Variants in TTF2 observed in about 807,000 individuals in gnomAD.
The protein encoded by TTF2 is RNA polymerase II termination factor.
In TTF2, 108 loss-of-function variants were observed where a neutral mutation model predicts 142.4. The ratio of observed to expected loss-of-function variants is 0.76; its 90% CI spans 0.65 to 0.89. TTF2 has a LOEUF of 0.89. TTF2 is among the 40% of genes least tolerant of loss of function. The pLI, the probability that TTF2 is intolerant of heterozygous loss-of-function variation, is 0.00. For synonymous variants in TTF2, 483 were observed against 506.2 expected (o/e 0.95, Z 0.61); for missense variants, 1,327 against 1,379.8 (o/e 0.96, Z 0.61).
intron 3 of TTF2, among the ~76,000 whole-genome samples, chr1:117,072,680 C>T (rs571662119): frequency 2.6e-5 from 4 of 152,246 alleles, no homozygotes; most frequent in East Asian, 1.9e-4. Context: ...ACCTCAGCCT[C>T]CCGAAGTGCT....
In TTF2 at chr1:117,075,919, T is replaced by C. The variant is rs192994215; in HGVS notation, c.1275+60T>C. 21 of 1,534,206 alleles carry C rather than the reference T, an allele frequency of 1.4e-5. No individual in the cohort carries two copies. In the Admixed American group the frequency reaches 2.5e-4, roughly 18 times the overall value. On this transcript the variant is annotated intron_variant, in intron 5 of 22. Transcript: ENST00000369466. The surrounding 1 kb of genome is among the most constrained non-coding windows in gnomAD (Gnocchi z 4.5). ...GAGCATTGCTTGTTATGGGCAGATA[T>C]GAGATCTCATTGCTACAGAAGGGTT...
Position 117,078,005 on chromosome 1 carries a change from G to A in TTF2, c.1663G>A (p.Gly555Ser). 1.2e-6 allele frequency: 2 copies of A among 1,614,158 alleles called. No individual in the cohort carries two copies. Among genetic ancestry groups the A allele is most frequent in the Non-Finnish European group, 1.7e-6 (2 of 1,180,022 alleles). The change falls in exon 8 of 23, where the codon GGT becomes AGT. Residue 555 changes from glycine (G) to serine (S), a missense_variant. Physicochemically the swap from Gly to Ser is moderately conservative, Grantham distance 56 (BLOSUM62 0). Transcript: ENST00000369466. ...QLHRSLESCP[G>S]ETVVAEDPAG... ...GCATCGCTCACTTGAGTCATGTCCT[G>A]GTGAGACGGTTGTGGCAGAAGATCC...
chr1:117,094,270 C>G (rs1175391187), intron 18 of TTF2, among the ~76,000 whole-genome samples: 1 of 152,096 alleles, frequency 6.6e-6, no homozygotes, highest in Non-Finnish European at 1.5e-5. Flanking sequence ...ATCTGAGTCC[C>G]AAAGTGGTCC....
chr1:117,086,274 T>TGC lies in TTF2; in HGVS notation c.2055-142_2055-141insCG. 1 of 575,732 alleles carries TGC rather than the reference T, an allele frequency of 1.7e-6. No homozygotes were observed. The highest frequency in any genetic ancestry group is 3.2e-6 in the Non-Finnish European group (1 of 316,274). 35.7% of individuals were successfully genotyped at this position (575,732 alleles called of 1,614,324 possible). A position where few individuals can be genotyped will look rare whatever the true frequency, so the allele number is the denominator to read the frequency against. ...GTGTGTGTGTGTGTGTGTGTGTGCG[T>TGC]GTGTGTGTTAAGGACACAAGTTAAT... On this transcript the variant is annotated intron_variant, in intron 11 of 22. Coordinates refer to ENST00000369466, the MANE Select transcript of TTF2 (RefSeq NM_003594.4). The surrounding 1 kb of genome is among the most constrained non-coding windows in gnomAD (Gnocchi z 4.2).
At position 117,092,640 on chromosome 1, in the gene TTF2, G is replaced by A. The variant is rs1648690104; in HGVS notation, c.2806-91G>A. Reference sequence around the variant, plus strand: ...GACAAATTACAAGATATTTTGCTCTGTGAAGTGGTAAACAATCAAAACATC... The same window carrying A: ...GACAAATTACAAGATATTTTGCTCTATGAAGTGGTAAACAATCAAAACATC... On this transcript the variant is annotated intron_variant, in intron 17 of 22. Transcript: ENST00000369466. This position sits in a 1 kb window ranked among gnomAD's most constrained non-coding sequence, Gnocchi z 4.4. 2.1e-6 allele frequency: 3 copies of A among 1,423,128 alleles called. No homozygotes were observed. The highest frequency in any genetic ancestry group is 4.3e-5 in the Admixed American group (2 of 46,546). 88.2% of individuals were successfully genotyped at this position (1,423,128 alleles called of 1,614,324 possible).
Position 117,075,909 on chromosome 1 carries a change from T to C in TTF2, c.1275+50T>C, listed in dbSNP as rs1248669121. 6.5e-7 allele frequency: 1 copy of C among 1,544,464 alleles called. No individual in the cohort carries two copies. Among genetic ancestry groups the C allele is most frequent in the Non-Finnish European group, 8.7e-7 (1 of 1,152,440 alleles). On this transcript the variant is annotated intron_variant, in intron 5 of 22. Coordinates refer to ENST00000369466, the MANE Select transcript of TTF2 (RefSeq NM_003594.4). The surrounding 1 kb of genome is among the most constrained non-coding windows in gnomAD (Gnocchi z 4.5). Reference sequence around the variant, plus strand: ...TCTGAGGTCAGAGCATTGCTTGTTATGGGCAGATATGAGATCTCATTGCTA... The same window carrying C: ...TCTGAGGTCAGAGCATTGCTTGTTACGGGCAGATATGAGATCTCATTGCTA...
intron 16 of TTF2, 113 bp downstream of exon 16, chr1:117,091,523 ACT>A (rs1648576913): frequency 1.8e-6 from 2 of 1,138,130 alleles, no homozygotes; most frequent in Non-Finnish European, 2.5e-6. Flanking sequence ...TTTGGCGTTA[ACT>A]AAGACCCTCA....
rs1649600634 is a variant in TTF2 at position 117,101,729 on chromosome 1, A to C, written c.*205A>C. On this transcript the variant is annotated 3_prime_UTR_variant, in exon 23 of 23. Transcript: ENST00000369466. The surrounding 1 kb of genome is among the most constrained non-coding windows in gnomAD (Gnocchi z 5.9). ...ACCAATTAGTTAACCAATTATGTTA[A>C]TAATTTATTTAATGAGTGGTATGGA... 1.9e-5 allele frequency: 8 copies of C among 431,638 alleles called. No homozygotes were observed. In the East Asian group the frequency reaches 2.8e-4, roughly 15 times the overall value. 26.7% of individuals were successfully genotyped at this position (431,638 alleles called of 1,614,324 possible).
At chr1:117,077,117 A>G (rs1002771248) in intron 7 of TTF2, among the ~76,000 whole-genome samples, 1 of 152,106 alleles carries the variant, frequency 6.6e-6, no homozygotes, top group African/African-American at 2.4e-5. Context: ...TGGGGAAAAA[A>G]AAAAGCCAAA....
rs145377028 is a variant in TTF2, at chr1:117,071,319, G to GA, written c.219-2335dup. ...CCCATACAGTGGAAAACCACAACTG[G>GA]AAAAAAATAATAAAAACAAGGATCT... On this transcript the variant is annotated intron_variant, in intron 3 of 22. Coordinates refer to ENST00000369466, the MANE Select transcript of TTF2 (RefSeq NM_003594.4). Among the ~76,000 whole-genome samples, 823 of 150,846 alleles carry GA rather than the reference G, an allele frequency of 5.5e-3. 11 individuals carry two copies. The highest frequency in any genetic ancestry group is 0.019 in the African/African-American group (785 of 41,014).
intron 19 of TTF2, 50 bp from the exon 20 acceptor site, chr1:117,096,099 G>T (rs753711228): frequency 6.2e-6 from 10 of 1,601,760 alleles, no homozygotes; most frequent in Admixed American, 3.4e-5. Context: ...CTGCAGATGA[G>T]TCTGTTTAAT....
intron 10 of TTF2, 147 bp from the exon 11 acceptor site, chr1:117,083,871 G>A: frequency 2.2e-6 from 2 of 889,546 alleles, no homozygotes; most frequent in South Asian, 3.4e-5. Flanking sequence ...TTCCACTGTG[G>A]GAGGCTAAGG....
At chr1:117,095,227 A>AG in intron 18 of TTF2, 82 bp from the exon 19 acceptor site, 3 of 1,307,452 alleles carry the variant, frequency 2.3e-6, no homozygotes, top group Non-Finnish European at 3.3e-6. Flanking sequence ...GCCATGTAGG[A>AG]GGCTGCTTCG....
In TTF2 at chr1:117,100,474, C is replaced by T. The variant is rs1649499665; in HGVS notation, c.3345-906C>T. ...ATCCACTTCTCATATTCTTCAGTAG[C>T]TCTCACCTCCTATAGGATCAAATCA... is the stretch of plus-strand genomic sequence containing the variant. On this transcript the variant is annotated intron_variant, in intron 22 of 22. Coordinates refer to ENST00000369466, the MANE Select transcript of TTF2 (RefSeq NM_003594.4). This position sits in a 1 kb window ranked among gnomAD's most constrained non-coding sequence, Gnocchi z 4.6. 6.6e-6 allele frequency among the ~76,000 whole-genome samples: 1 copy of T among 152,154 alleles called. No individual in the cohort carries two copies. The highest frequency in any genetic ancestry group is 1.5e-5 in the Non-Finnish European group (1 of 68,028).
At position 117,076,707 on chromosome 1, in the gene TTF2, C is replaced by A; in HGVS notation, c.1457C>A (p.Pro486His). ...QSHFTKTTTGPPHLVPPQPLP... is the reference protein window; with the variant it reads ...QSHFTKTTTGHPHLVPPQPLP... ...CACTTCACCAAAACTACCACTGGCC[C>A]TCCCCACCTGGTGCCTCCCCAACCC... The change falls in exon 7 of 23, where the codon CCT becomes CAT. Residue 486 changes from proline to histidine, a missense_variant. Coordinates refer to ENST00000369466, the MANE Select transcript of TTF2 (RefSeq NM_003594.4). This position sits in a 1 kb window ranked among gnomAD's most constrained non-coding sequence, Gnocchi z 4.6. 1 of 1,614,146 alleles carries A rather than the reference C, an allele frequency of 6.2e-7. No individual in the cohort carries two copies. The highest frequency in any genetic ancestry group is 8.5e-7 in the Non-Finnish European group (1 of 1,179,998).
In TTF2 at chr1:117,063,494, C is replaced by T. The variant is rs1240576472; in HGVS notation, c.218+1021C>T. On this transcript the variant is annotated intron_variant, in intron 3 of 22. Transcript: ENST00000369466. The surrounding 1 kb of genome is among the most constrained non-coding windows in gnomAD (Gnocchi z 4.1). ...TGAACGTTATATAAATGAAATCCTACTGCATGTACTCTTCTGTGTCTGACT... is the reference window on the plus strand; with the variant it reads ...TGAACGTTATATAAATGAAATCCTATTGCATGTACTCTTCTGTGTCTGACT... Among the ~76,000 whole-genome samples, 5 of 152,156 alleles carry T rather than the reference C, an allele frequency of 3.3e-5. No individual in the cohort carries two copies. Among genetic ancestry groups the T allele is most frequent in the African/African-American group, 9.7e-5 (4 of 41,434 alleles).
chr1:117,074,803 G>A (rs1433241093), intron 4 of TTF2, 67 bp from the exon 5 acceptor site: 1 of 1,396,718 alleles, frequency 7.2e-7, no homozygotes, highest in Non-Finnish European at 9.5e-7. Flanking sequence ...GAGATGAAAA[G>A]GAAAGGCATT....
Position 117,075,484 on chromosome 1 carries a change from C to T in TTF2, c.900C>T (p.Ser300=), listed in dbSNP as rs1373554196. The T allele has an allele frequency of 6.2e-7, 1 of 1,614,136 alleles. No individual in the cohort carries two copies. The change falls in exon 5 of 23, where the codon AGC becomes AGT. Residue 300 remains serine, a synonymous_variant. Coordinates refer to ENST00000369466, the MANE Select transcript of TTF2 (RefSeq NM_003594.4). The surrounding 1 kb of genome is among the most constrained non-coding windows in gnomAD (Gnocchi z 4.5). ...AKETKAKDGP[S]IQATQKSLPQ... ...AAACAAAGGCAAAGGATGGCCCTAG[C>T]ATACAGGCCACCCAGAAAAGCCTGC...
At position 117,085,941 on chromosome 1, in the gene TTF2, G is replaced by C. The variant is rs1475818543; in HGVS notation, c.2055-476G>C. Among the ~76,000 whole-genome samples the C allele has an allele frequency of 1.1e-4, 17 of 152,160 alleles. No individual in the cohort carries two copies. ...TCCATTATAGAGTGGTGGGAGGAAA[G>C]CACCATTGATACAAGGTGAACAGTG... is the stretch of plus-strand genomic sequence containing the variant. On this transcript the variant is annotated intron_variant, in intron 11 of 22. Coordinates refer to ENST00000369466, the MANE Select transcript of TTF2 (RefSeq NM_003594.4). This position sits in a 1 kb window ranked among gnomAD's most constrained non-coding sequence, Gnocchi z 4.7.
Sources: gnomAD v4.1 joint callset for allele counts (sites outside exome capture counted in the v4.1 genomes callset) on GRCh38, gnomAD v4.1.1 for gene constraint, Gnocchi (gnomAD v3.1) non-coding constraint, MANE v1.5 for transcripts, NCBI Gene and HGNC (gene_info 2026-07-23, HGNC 2026-07-21) for gene names.